Variants in PRRX1 observed in about 807,000 individuals in gnomAD.
The protein encoded by PRRX1 is paired related homeobox 1, also known as paired mesoderm homeobox protein 1.
PRRX1 carries 8 observed loss-of-function variants against 24.0 expected under a neutral mutation model. The observed-to-expected ratio is 0.33, with a 90% CI of 0.20 to 0.60. The LOEUF (loss-of-function observed/expected upper bound fraction) is 0.60. Ranked by LOEUF, PRRX1 falls within the 20% of genes least tolerant of loss-of-function variation. The probability of loss-of-function intolerance (pLI) is 0.82; values close to 1 mark genes in which losing one functional copy is unlikely to be tolerated. For synonymous variants in PRRX1, 160 were observed against 131.7 expected, an observed-to-expected ratio of 1.22 and a Z score of -1.47; for missense variants, 281 against 322.4, an observed-to-expected ratio of 0.87 and a Z score of 0.98.
chr1:170,710,998 A>C (rs1654727827), intron 1 of PRRX1, among the ~76,000 whole-genome samples: 1 of 152,236 alleles, frequency 6.6e-6, no homozygotes, highest in African/African-American at 2.4e-5. Context: ...ATGTTAAAGA[A>C]TGGTAATTTC....
intron 3 of PRRX1, among the ~76,000 whole-genome samples, chr1:170,730,961 T>TAG (rs1254856545): frequency 6.6e-6 from 1 of 152,162 alleles, no homozygotes; most frequent in Non-Finnish European, 1.5e-5. Context: ...AATGAAAAGT[T>TAG]AAACATAGCA....
intron 1 of PRRX1, among the ~76,000 whole-genome samples, chr1:170,713,610 A>T (rs1558057922): frequency 6.6e-6 from 1 of 152,136 alleles, no homozygotes; most frequent in Admixed American, 6.5e-5. Context: ...ATTTTGAGCT[A>T]TCTACACAGA....
intron 1 of PRRX1, among the ~76,000 whole-genome samples, chr1:170,674,612 T>G (rs1276494371): frequency 1.3e-5 from 2 of 152,194 alleles, no homozygotes; most frequent in Admixed American, 6.5e-5. Context: ...TAGAGACTTT[T>G]GGGGAAAAGG....
chr1:170,685,261 C>G (rs1383322607), intron 1 of PRRX1, among the ~76,000 whole-genome samples: 3 of 152,074 alleles, frequency 2.0e-5, no homozygotes, highest in Non-Finnish European at 2.9e-5. Context: ...TGTGACTGGA[C>G]CCATTATCCT....
Position 170,667,368 on chromosome 1 carries a change from T to G in PRRX1, c.241+2909T>G, listed in dbSNP as rs572511488. 4.0e-5 allele frequency: 6 copies of G among 151,736 alleles called. No individual in the cohort carries two copies. The East Asian group carries it at 1.2e-3, about 30-fold the overall frequency. 9.4% of individuals were successfully genotyped at this position (151,736 alleles called of 1,614,324 possible). A position where few individuals can be genotyped will look rare whatever the true frequency, so the allele number is the denominator to read the frequency against. ...GCCTTGCTTCCTAGAGAGATGAGGGTAGCGTTCTAACGAATAGTTTGTTGC... is the reference window on the plus strand; with the variant it reads ...GCCTTGCTTCCTAGAGAGATGAGGGGAGCGTTCTAACGAATAGTTTGTTGC... On this transcript the variant is annotated intron_variant, in intron 1 of 3. Transcript: ENST00000239461.
At chr1:170,696,539 G>A (rs930285827) in intron 1 of PRRX1, among the ~76,000 whole-genome samples, 1 of 151,972 alleles carries the variant, frequency 6.6e-6, no homozygotes, top group Admixed American at 6.6e-5. Context: ...CAATTTTCCA[G>A]TTAAAAAAAG....
intron 1 of PRRX1, among the ~76,000 whole-genome samples, chr1:170,708,570 T>G (rs1654646444): frequency 6.6e-6 from 1 of 152,162 alleles, no homozygotes; most frequent in Non-Finnish European, 1.5e-5. Flanking sequence ...GCTAAATATG[T>G]TTTTTGGAAC....
intron 1 of PRRX1, among the ~76,000 whole-genome samples, chr1:170,696,207 C>T (rs61817383): frequency 0.24 from 36,002 of 151,490 alleles, 5,192 homozygotes; most frequent in Middle Eastern, 0.36. Flanking sequence ...GCATGCTTGT[C>T]TAGGTCTATT....
chr1:170,692,534 A>T (rs1339466183), intron 1 of PRRX1, among the ~76,000 whole-genome samples: 10 of 148,882 alleles, frequency 6.7e-5, no homozygotes, highest in African/African-American at 2.2e-4. Flanking sequence ...TTTTTTTTTT[A>T]AATTCAGGCC....
At chr1:170,709,019 A>G (rs980229245) in intron 1 of PRRX1, among the ~76,000 whole-genome samples, 8 of 152,242 alleles carry the variant, frequency 5.3e-5, no homozygotes, top group African/African-American at 1.7e-4. Flanking sequence ...TAAGAGAAGT[A>G]CCCAAAATAT....
rs1655620166 is a variant in PRRX1 at position 170,736,684 on chromosome 1, T to A, written c.*498T>A. 1 of 195,974 alleles carries A rather than the reference T, an allele frequency of 5.1e-6. No homozygotes were observed. The highest frequency in any genetic ancestry group is 1.1e-5 in the Non-Finnish European group (1 of 93,580). The allele number at this position is 195,974 out of a possible 1,614,324, so 12.1% of individuals were successfully genotyped here. On this transcript the variant is annotated 3_prime_UTR_variant, in exon 4 of 4. Coordinates refer to ENST00000239461, the MANE Select transcript of PRRX1 (RefSeq NM_022716.4). ...TCTAGGAGCTTTCGAAAAGCCAAAG[T>A]CTTTCTGAAGAATCTGTGCTGGACA...
intron 1 of PRRX1, among the ~76,000 whole-genome samples, chr1:170,675,557 G>A (rs140653753): frequency 1.5e-3 from 226 of 152,174 alleles, no homozygotes; most frequent in Admixed American, 4.6e-3. Flanking sequence ...AGAGGTATAC[G>A]TAAGATAGTG....
In PRRX1 at chr1:170,723,559, C is replaced by T. The variant is rs576989761; in HGVS notation, c.418-2661C>T. Among the ~76,000 whole-genome samples, 3 of 152,312 alleles carry T rather than the reference C, an allele frequency of 2.0e-5. No homozygotes were observed. In the East Asian group the frequency reaches 5.8e-4, roughly 29 times the overall value. On this transcript the variant is annotated intron_variant, in intron 2 of 3. Transcript: ENST00000239461. ...TAAATGAATGAGTAGAATTCCATAG[C>T]ACTCTAGAAGAGTTGTATGATCATG...
At chr1:170,711,577 A>G (rs1331283352) in intron 1 of PRRX1, among the ~76,000 whole-genome samples, 1 of 152,178 alleles carries the variant, frequency 6.6e-6, no homozygotes, top group Non-Finnish European at 1.5e-5. Context: ...AGAACATTAA[A>G]AATTATAACC....
intron 1 of PRRX1, among the ~76,000 whole-genome samples, chr1:170,674,178 G>A (rs867125813): frequency 1.3e-5 from 2 of 152,020 alleles, no homozygotes; most frequent in Non-Finnish European, 1.5e-5. Flanking sequence ...CAGCCTGCCT[G>A]ATACCTCTCT....
intron 1 of PRRX1, among the ~76,000 whole-genome samples, chr1:170,715,748 T>C (rs560699196): frequency 6.6e-6 from 1 of 152,320 alleles, no homozygotes; most frequent in South Asian, 2.1e-4. Flanking sequence ...GCTTTCTAGA[T>C]GAGAATGGTT....
intron 1 of PRRX1, among the ~76,000 whole-genome samples, chr1:170,674,737 T>C (rs1653256675): frequency 6.6e-6 from 1 of 152,138 alleles, no homozygotes; most frequent in Non-Finnish European, 1.5e-5. Context: ...ATCTCTGTTT[T>C]TGTAATCTTT....
intron 1 of PRRX1, among the ~76,000 whole-genome samples, chr1:170,709,425 G>A (rs921888283): frequency 1.3e-5 from 2 of 152,180 alleles, no homozygotes; most frequent in Non-Finnish European, 2.9e-5. Context: ...GTGATTGGGT[G>A]AGAAATAATA....
intron 1 of PRRX1, among the ~76,000 whole-genome samples, chr1:170,689,825 TCTCTCTCTCTCTCC>T (rs1186710938): frequency 0.064 from 5,728 of 89,548 alleles, 203 homozygotes; most frequent in Non-Finnish European, 0.071. Flanking sequence ...TCTCTCTCTC[TCTCTCTCTCTCTCC>T]CTCTCTCTCT....
Sources: gnomAD v4.1 joint callset for allele counts (sites outside exome capture counted in the v4.1 genomes callset) on GRCh38, gnomAD v4.1.1 for gene constraint, MANE v1.5 for transcripts, NCBI Gene and HGNC (gene_info 2026-07-23, HGNC 2026-07-21) for gene names.